LUZP2: variants seen among roughly 807,000 people sequenced by gnomAD.
LUZP2 encodes the protein leucine zipper protein 2.
A neutral mutation model predicts 51.6 loss-of-function variants in LUZP2; 52 were observed. The ratio of observed to expected loss-of-function variants is 1.01; its 90% CI spans 0.81 to 1.27. The LOEUF (loss-of-function observed/expected upper bound fraction) is 1.27, where lower values mean the gene tolerates loss of function less well. LUZP2 is among the 50% of genes most tolerant of loss of function. The pLI, the probability that LUZP2 is intolerant of heterozygous loss-of-function variation, is 0.00. For missense variants in LUZP2, 436 were observed against 395.4 expected, an observed-to-expected ratio of 1.10 and a Z score of -0.87; for synonymous variants, 154 against 137.3, an observed-to-expected ratio of 1.12 and a Z score of -0.85.
chr11:24,745,765 C>T (rs1859357829), intron 4 of LUZP2, among the ~76,000 whole-genome samples: 1 of 152,102 alleles, frequency 6.6e-6, no homozygotes, highest in Non-Finnish European at 1.5e-5. Flanking sequence ...GCAACCTCCA[C>T]CTCCTGGGTT....
Position 24,869,380 on chromosome 11 carries a change from A to C in LUZP2, c.397-36611A>C, listed in dbSNP as rs562635941. On this transcript the variant is annotated intron_variant, in intron 5 of 11. Coordinates refer to ENST00000336930, the MANE Select transcript of LUZP2 (RefSeq NM_001009909.4). ...TAAGTCTTTTAGCACCACTTTTCCAACAGCATTTGCTCACTTTATATCCCT... is the reference window on the plus strand; with the variant it reads ...TAAGTCTTTTAGCACCACTTTTCCACCAGCATTTGCTCACTTTATATCCCT... Among the ~76,000 whole-genome samples, 9 of 152,278 alleles carry C rather than the reference A, an allele frequency of 5.9e-5. No individual in the cohort carries two copies. The East Asian group carries it at 1.7e-3, about 29-fold the overall frequency.
At position 24,642,001 on chromosome 11, in the gene LUZP2, T is replaced by C. The variant is rs778888881; in HGVS notation, c.63-87168T>C. The stretch of plus-strand genomic sequence containing the variant: ...CTCCGCCTCCCTCAAGCGATTCTCC[T>C]GCCTCAGCTTCCTGAGTAGCTGGGA... On this transcript the variant is annotated intron_variant, in intron 1 of 11. Coordinates refer to ENST00000336930, the MANE Select transcript of LUZP2 (RefSeq NM_001009909.4). Among the ~76,000 whole-genome samples, 4 of 151,992 alleles carry C rather than the reference T, an allele frequency of 2.6e-5. No individual in the cohort carries two copies. The South Asian group carries it at 8.3e-4, about 31-fold the overall frequency.
At chr11:25,014,266 G>T (rs1857074247) in intron 9 of LUZP2, among the ~76,000 whole-genome samples, 1 of 152,210 alleles carries the variant, frequency 6.6e-6, no homozygotes, top group South Asian at 2.1e-4. Flanking sequence ...TATATACCCA[G>T]TAATGGGATG....
chr11:24,757,400 T>C (rs989910824), intron 4 of LUZP2, among the ~76,000 whole-genome samples: 1 of 152,168 alleles, frequency 6.6e-6, no homozygotes, highest in African/African-American at 2.4e-5. Flanking sequence ...TAATAACCAT[T>C]GGATTAGTGA....
At chr11:24,784,730 C>T (rs1849190837) in intron 5 of LUZP2, among the ~76,000 whole-genome samples, 1 of 151,820 alleles carries the variant, frequency 6.6e-6, no homozygotes. Flanking sequence ...TGCTTCTTGC[C>T]CTACATGCTG....
At chr11:24,987,705 A>T (rs1856228400) in intron 9 of LUZP2, among the ~76,000 whole-genome samples, 1 of 151,994 alleles carries the variant, frequency 6.6e-6, no homozygotes, top group African/African-American at 2.4e-5. Context: ...GCTTAAAGAC[A>T]TGCAAGTGAA....
intron 5 of LUZP2, among the ~76,000 whole-genome samples, chr11:24,849,935 G>C (rs1202818218): frequency 1.3e-5 from 2 of 152,148 alleles, no homozygotes; most frequent in Non-Finnish European, 1.5e-5. Context: ...CTTTTGAAAA[G>C]TGTCTGTTTA....
chr11:24,629,383 C>A (rs1463703818), intron 1 of LUZP2, among the ~76,000 whole-genome samples: 3 of 151,336 alleles, frequency 2.0e-5, no homozygotes. Flanking sequence ...GCCTCCAGCA[C>A]CATTTATATT....
chr11:24,776,943 C>A (rs1848943286), intron 5 of LUZP2, among the ~76,000 whole-genome samples: 1 of 151,474 alleles, frequency 6.6e-6, no homozygotes. Context: ...CCTATACAGC[C>A]TTCATTCCCA....
At chr11:24,870,698 T>G (rs747883145) in intron 5 of LUZP2, among the ~76,000 whole-genome samples, 2 of 152,098 alleles carry the variant, frequency 1.3e-5, no homozygotes, top group Non-Finnish European at 2.9e-5. Context: ...AGAAATTTGG[T>G]CTATTTTTAT....
intron 9 of LUZP2, among the ~76,000 whole-genome samples, chr11:25,004,602 T>G (rs112862306): frequency 2.6e-5 from 4 of 152,212 alleles, no homozygotes; most frequent in Admixed American, 2.0e-4. Flanking sequence ...ATTAGGGTGA[T>G]AGGGGAGTAT....
chr11:24,830,987 C>G (rs11028198), intron 5 of LUZP2, among the ~76,000 whole-genome samples: 26,730 of 149,396 alleles, frequency 0.18, 2,444 homozygotes, highest in East Asian at 0.24. Context: ...GAGAGAGACT[C>G]CCTCTCAAAA....
In LUZP2 at chr11:24,700,894, A is replaced by T. The variant is rs1857402413; in HGVS notation, c.63-28275A>T. 2.0e-5 allele frequency among the ~76,000 whole-genome samples: 3 copies of T among 152,308 alleles called. No homozygotes were observed. The South Asian group carries it at 6.2e-4, about 32-fold the overall frequency. On this transcript the variant is annotated intron_variant, in intron 1 of 11. Transcript: ENST00000336930. ...AAGGATTGTAGATTTGACTTGAGGA[A>T]GATGAGGAATTTTCTTCATATCTTT...
At chr11:24,676,057 G>A (rs1189832363) in intron 1 of LUZP2, among the ~76,000 whole-genome samples, 1 of 151,990 alleles carries the variant, frequency 6.6e-6, no homozygotes, top group Non-Finnish European at 1.5e-5. Context: ...AACCTCAAGT[G>A]ATCTGCCCAC....
chr11:24,664,631 G>C (rs879780692), intron 1 of LUZP2, among the ~76,000 whole-genome samples: 1 of 152,160 alleles, frequency 6.6e-6, no homozygotes, highest in Non-Finnish European at 1.5e-5. Flanking sequence ...TCTGGACATG[G>C]TGCCCTGAAT....
At chr11:24,766,881 C>T (rs1860211610) in intron 5 of LUZP2, among the ~76,000 whole-genome samples, 1 of 152,142 alleles carries the variant, frequency 6.6e-6, no homozygotes, top group Non-Finnish European at 1.5e-5. Flanking sequence ...CCTGGCTCAG[C>T]CTCCTGAGTA....
At position 24,768,160 on chromosome 11, in the gene LUZP2, G is replaced by A. The variant is rs535787938; in HGVS notation, c.396+4852G>A. Among the ~76,000 whole-genome samples, 28 of 152,008 alleles carry A rather than the reference G, an allele frequency of 1.8e-4. 4 individuals carry two copies. The highest frequency in any genetic ancestry group is 1.1e-3 in the Admixed American group (17 of 15,260). On this transcript the variant is annotated intron_variant, in intron 5 of 11. Coordinates refer to ENST00000336930, the MANE Select transcript of LUZP2 (RefSeq NM_001009909.4). ...TTTTTTTTTCCTTTTTTGATACAGG[G>A]TCTCACTCTGTCGCCCTGGCTGGAG... is the stretch of plus-strand genomic sequence containing the variant.
intron 5 of LUZP2, among the ~76,000 whole-genome samples, chr11:24,816,393 C>T (rs549006440): frequency 6.6e-6 from 1 of 152,058 alleles, no homozygotes; most frequent in South Asian, 2.1e-4. Flanking sequence ...TGTTTTTAAG[C>T]TCCTTAAAGC....
intron 1 of LUZP2, among the ~76,000 whole-genome samples, chr11:24,625,889 C>G (rs985781384): frequency 6.6e-6 from 1 of 150,480 alleles, no homozygotes; most frequent in African/African-American, 2.4e-5. Flanking sequence ...AACAGGAGTA[C>G]AGCATGTTTC....
Sources: allele counts gnomAD v4.1 joint callset (sites outside exome capture counted in the v4.1 genomes callset), GRCh38; gene constraint gnomAD v4.1.1; transcripts MANE v1.5; gene names NCBI Gene and HGNC (gene_info 2026-07-23, HGNC 2026-07-21).